The following ATP11C variants were observed in gnomAD, a reference collection of about 807,000 sequenced individuals.
ATP11C encodes phospholipid-transporting ATPase IG.
In ATP11C, 36 loss-of-function variants were observed where a neutral mutation model predicts 97.4. That is an observed-to-expected ratio of 0.37 (90% CI 0.28 to 0.49). The LOEUF (loss-of-function observed/expected upper bound fraction) is 0.49, where lower values mean the gene tolerates loss of function less well. ATP11C is among the 20% of genes least tolerant of loss of function. ATP11C has a pLI of 0.98. For missense variants in ATP11C, 730 were observed against 824.6 expected, an observed-to-expected ratio of 0.89 and a Z score of 1.40; for synonymous variants, 275 against 290.9, an observed-to-expected ratio of 0.95 and a Z score of 0.56.
In ATP11C at chrX:139,777,709, C is replaced by G. The variant is rs764055467; in HGVS notation, c.1953-2756G>C. Among the ~76,000 whole-genome samples the G allele has an allele frequency of 2.4e-4, 26 of 109,946 alleles. No homozygotes were observed. The South Asian group carries it at 2.7e-3, about 12-fold the overall frequency. ...CTACACAAGATGACCATCACCAAGG[C>G]ATATAGTCATCAGACTACCCAAGGT... is the stretch of plus-strand genomic sequence containing the variant. On this transcript the variant is annotated intron_variant, in intron 18 of 29. Coordinates refer to ENST00000682941, the MANE Select transcript of ATP11C (RefSeq NM_001353812.2).
chrX:139,751,334 G>C (rs1405965565), intron 23 of ATP11C, among the ~76,000 whole-genome samples: 1 of 112,146 alleles, frequency 8.9e-6, no homozygotes, highest in African/African-American at 3.2e-5. Context: ...TGGCAGGAGA[G>C]ACAAAGCAAA....
At chrX:139,747,500 G>C (rs969528983) in intron 24 of ATP11C, among the ~76,000 whole-genome samples, 1 of 111,578 alleles carries the variant, frequency 9.0e-6, no homozygotes, top group Non-Finnish European at 1.9e-5. Context: ...GAGCACCTCC[G>C]TATTATGGTA....
chrX:139,845,804 G>A (rs2083898526), intron 1 of ATP11C, among the ~76,000 whole-genome samples: 1 of 112,145 alleles, frequency 8.9e-6, no homozygotes, highest in Non-Finnish European at 1.9e-5. Flanking sequence ...CATTCTTACA[G>A]CTAAAACCTT....
intron 8 of ATP11C, 108 bp from the exon 9 acceptor site, chrX:139,798,851 ATCTG>A (rs1242750419): frequency 1.8e-6 from 1 of 551,476 alleles, no homozygotes; most frequent in Non-Finnish European, 3.1e-6. Flanking sequence ...TCAGAATGTT[ATCTG>A]TCTACTTATA....
chrX:139,816,170 T>G (rs2083284720), intron 4 of ATP11C, among the ~76,000 whole-genome samples: 1 of 111,923 alleles, frequency 8.9e-6, no homozygotes, highest in Admixed American at 9.5e-5. Context: ...ACCTTTGTTT[T>G]GCAAGCTTCT....
intron 29 of ATP11C, among the ~76,000 whole-genome samples, chrX:139,729,868 G>C (rs148170554): frequency 0.028 from 3,132 of 111,664 alleles, 91 homozygotes; most frequent in African/African-American, 0.094. Context: ...GCCATGGCTG[G>C]ACTAGAAGCT....
intron 2 of ATP11C, among the ~76,000 whole-genome samples, chrX:139,822,383 T>C (rs2083429123): frequency 9.5e-6 from 1 of 105,623 alleles, no homozygotes; most frequent in African/African-American, 3.7e-5. Context: ...TGTGTGGTTT[T>C]TGTTTTTTGG....
chrX:139,750,271 G>T, intron 23 of ATP11C, 119 bp from the exon 24 acceptor site: 1 of 654,429 alleles, frequency 1.5e-6, no homozygotes, highest in Non-Finnish European at 2.2e-6. Flanking sequence ...ACATGCTTTT[G>T]GTAGTGGCAA....
intron 1 of ATP11C, among the ~76,000 whole-genome samples, chrX:139,852,222 C>A (rs983534801): frequency 9.1e-6 from 1 of 110,214 alleles, no homozygotes; most frequent in Non-Finnish European, 1.9e-5. Context: ...CCCTTCTATA[C>A]AGAAGTACCT....
At chrX:139,786,986 A>G (rs773054243) in intron 15 of ATP11C, among the ~76,000 whole-genome samples, 187 bp downstream of exon 15, 1 of 112,277 alleles carries the variant, frequency 8.9e-6, no homozygotes, top group African/African-American at 3.2e-5. Context: ...TTTCCACCTC[A>G]AACTCCAGTT....
chrX:139,847,863 C>T, intron 1 of ATP11C, among the ~76,000 whole-genome samples: 1 of 111,340 alleles, frequency 9.0e-6, no homozygotes, highest in Middle Eastern at 4.6e-3. Context: ...AACTATGTAA[C>T]TCAGAGGGCA....
At chrX:139,921,962 T>C (rs184422684) in intron 1 of ATP11C, among the ~76,000 whole-genome samples, 49 of 109,508 alleles carry the variant, frequency 4.5e-4, no homozygotes, top group Admixed American at 3.0e-3. Context: ...CCCAGCACTT[T>C]GGGAGGCTGA....
At position 139,874,163 on chromosome X, in the gene ATP11C, C is replaced by G. The variant is rs763874739; in HGVS notation, c.28-47340G>C. Among the ~76,000 whole-genome samples, 344 of 107,968 alleles carry G rather than the reference C, an allele frequency of 3.2e-3. 1 individual carries two copies. Among genetic ancestry groups the G allele is most frequent in the Non-Finnish European group, 4.8e-3 (249 of 52,152 alleles). 93.8% of individuals were successfully genotyped at this position (107,968 alleles called of 115,157 possible). On this transcript the variant is annotated intron_variant, in intron 1 of 29. Coordinates refer to ENST00000682941, the MANE Select transcript of ATP11C (RefSeq NM_001353812.2). ...GCTCAAGCAATTCTCCTGCCTCAGCCTCCCGAGTACCTGGGATTACAGACG... is the reference window on the plus strand; with the variant it reads ...GCTCAAGCAATTCTCCTGCCTCAGCGTCCCGAGTACCTGGGATTACAGACG...
At chrX:139,893,597 G>A (rs1930395944) in intron 1 of ATP11C, among the ~76,000 whole-genome samples, 1 of 111,571 alleles carries the variant, frequency 9.0e-6, no homozygotes, top group Non-Finnish European at 1.9e-5. Flanking sequence ...TAACTGGGAA[G>A]ACAGTCAGTA....
rs1353649989 is a variant in ATP11C, at chrX:139,757,724, TA to T, written c.2700+83del. ...TCATTTTACTTTGTACATACATCTC[TA>T]ATCTCTAGAAATCTAATATATAAGG... is the stretch of plus-strand genomic sequence containing the variant. On this transcript the variant is annotated intron_variant, in intron 23 of 29. Transcript: ENST00000682941. 4 of 658,983 alleles carry T rather than the reference TA, an allele frequency of 6.1e-6. No individual in the cohort carries two copies. In the African/African-American group the frequency reaches 6.7e-5, roughly 11 times the overall value. The allele number at this position is 658,983 out of a possible 1,213,427, so 54.3% of individuals were successfully genotyped here. A position where few individuals can be genotyped will look rare whatever the true frequency, so the allele number is the denominator to read the frequency against.
At chrX:139,899,387 G>A (rs1365673938) in intron 1 of ATP11C, among the ~76,000 whole-genome samples, 1 of 108,991 alleles carries the variant, frequency 9.2e-6, no homozygotes, top group Non-Finnish European at 1.9e-5. Context: ...TGAGGCAGGA[G>A]AATTGCTTGC....
At chrX:139,820,927 C>A (rs2147860499) in intron 2 of ATP11C, among the ~76,000 whole-genome samples, 1 of 111,331 alleles carries the variant, frequency 9.0e-6, no homozygotes, top group African/African-American at 3.3e-5. Flanking sequence ...CGTCTTCTGA[C>A]CATGTGCGAT....
chrX:139,833,122 T>C (rs1471984628), intron 1 of ATP11C, among the ~76,000 whole-genome samples: 5 of 112,265 alleles, frequency 4.5e-5, no homozygotes, highest in Non-Finnish European at 9.4e-5. Flanking sequence ...GTGTCATTAC[T>C]ATAAAAGTGA....
chrX:139,757,759 T>G (rs747061917), intron 23 of ATP11C, 49 bp downstream of exon 23: 1 of 921,086 alleles, frequency 1.1e-6, no homozygotes, highest in Non-Finnish European at 1.5e-6. Flanking sequence ...GGGTAATTTA[T>G]TAACAGCAAA....
Sources: allele counts gnomAD v4.1 joint callset (sites outside exome capture counted in the v4.1 genomes callset), GRCh38; gene constraint gnomAD v4.1.1; transcripts MANE v1.5; gene names NCBI Gene and HGNC (gene_info 2026-07-23, HGNC 2026-07-21).